The following BEND5 variants were observed in gnomAD, a reference collection of about 807,000 sequenced individuals.
The protein encoded by BEND5 is BEN domain containing 5, also known as BEN domain-containing protein 5.
Under a neutral mutation model 43.9 loss-of-function variants are expected in BEND5, and 22 were observed. The ratio of observed to expected loss-of-function variants is 0.50; its 90% confidence interval spans 0.36 to 0.72. The LOEUF is 0.72. Among genes scored for constraint, BEND5 ranks in the 30% least tolerant of loss-of-function variants. The probability of loss-of-function intolerance (pLI) is 0.00; values close to 1 mark genes in which losing one functional copy is unlikely to be tolerated. For synonymous variants in BEND5, 228 were observed against 225.9 expected (o/e 1.01, Z -0.08); for missense variants, 428 against 550.6 (o/e 0.78, Z 2.23).
chr1:48,744,213 C>T (rs1002684365), intron 3 of BEND5, among the ~76,000 whole-genome samples: 1 of 152,228 alleles, frequency 6.6e-6, no homozygotes, highest in Non-Finnish European at 1.5e-5. Context: ...AGGTCTTATT[C>T]TTTCCTTTGT....
intron 3 of BEND5, among the ~76,000 whole-genome samples, chr1:48,753,176 G>A (rs1440500029): frequency 1.3e-5 from 2 of 152,218 alleles, no homozygotes; most frequent in African/African-American, 4.8e-5. Flanking sequence ...GAAGAGCTGG[G>A]GTTGAAAACC....
At chr1:48,730,875 C>T (rs1648011149) in intron 5 of BEND5, among the ~76,000 whole-genome samples, 3 of 152,180 alleles carry the variant, frequency 2.0e-5, no homozygotes, top group Admixed American at 2.0e-4. Flanking sequence ...AGACACTCCA[C>T]AAAAGGTCAT....
chr1:48,763,879 A>C (rs1644400856), intron 1 of BEND5, among the ~76,000 whole-genome samples: 2 of 152,206 alleles, frequency 1.3e-5, no homozygotes, highest in Admixed American at 6.5e-5. Flanking sequence ...GGGCAGGATG[A>C]ACAGGGTCCC....
chr1:48,759,463 A>C lies in BEND5; in HGVS notation c.361-179T>G. On this transcript the variant is annotated intron_variant, in intron 2 of 5. Coordinates refer to ENST00000371833, the MANE Select transcript of BEND5 (RefSeq NM_024603.4). ...TTTATAAATGGGGAAACATTTTATA[A>C]ATTTTATAAATGGGGTTCCGAGTGG... is the stretch of plus-strand genomic sequence containing the variant. 2.5e-6 allele frequency: 3 copies of C among 1,211,158 alleles called. No individual in the cohort carries two copies. The South Asian group carries it at 5.0e-5, about 20-fold the overall frequency. The allele number at this position is 1,211,158 out of a possible 1,614,324, so 75.0% of individuals were successfully genotyped here. A position where few individuals can be genotyped will look rare whatever the true frequency, so the allele number is the denominator to read the frequency against.
intron 3 of BEND5, among the ~76,000 whole-genome samples, chr1:48,750,246 C>A (rs1651474917): frequency 6.6e-6 from 1 of 152,158 alleles, no homozygotes; most frequent in South Asian, 2.1e-4. Context: ...GGGAAGTGCC[C>A]CCATGAACCA....
chr1:48,739,576 T>C (rs1649594975), intron 4 of BEND5, among the ~76,000 whole-genome samples: 1 of 152,210 alleles, frequency 6.6e-6, no homozygotes, highest in South Asian at 2.1e-4. Flanking sequence ...GGTGTAAATC[T>C]CAGCTATTCT....
chr1:48,776,571 C>G, intron 1 of BEND5, 35 bp downstream of exon 1: 25 of 1,363,746 alleles, frequency 1.8e-5, no homozygotes, highest in Non-Finnish European at 2.4e-5. Flanking sequence ...AGCCCCCGCC[C>G]GGGTCCCACC....
At chr1:48,746,926 CA>C (rs1309624003) in intron 3 of BEND5, among the ~76,000 whole-genome samples, 16 of 152,138 alleles carry the variant, frequency 1.1e-4, no homozygotes, top group Admixed American at 4.6e-4. Context: ...AGAAAAGGAA[CA>C]AAAAAAGCAT....
At chr1:48,752,425 T>C (rs1651888846) in intron 3 of BEND5, among the ~76,000 whole-genome samples, 1 of 152,148 alleles carries the variant, frequency 6.6e-6, no homozygotes, top group Non-Finnish European at 1.5e-5. Context: ...GGCGTGGTAA[T>C]GGACAAATTC....
intron 3 of BEND5, among the ~76,000 whole-genome samples, chr1:48,752,559 G>A (rs1172944183): frequency 6.6e-6 from 1 of 152,174 alleles, no homozygotes; most frequent in Non-Finnish European, 1.5e-5. Context: ...ATCCAGGGTT[G>A]ACCAAAGATT....
chr1:48,757,908 C>T (rs1466217424), intron 3 of BEND5, among the ~76,000 whole-genome samples: 1 of 152,166 alleles, frequency 6.6e-6, no homozygotes, highest in Non-Finnish European at 1.5e-5. Context: ...AGGCAAAGAA[C>T]TTGTGTTATA....
intron 3 of BEND5, among the ~76,000 whole-genome samples, chr1:48,749,090 C>T (rs1872279): frequency 0.51 from 77,609 of 151,794 alleles, 24,402 homozygotes; most frequent in Non-Finnish European, 0.72. Context: ...AAAAGCAGGC[C>T]CAGGTCCCCA....
chr1:48,770,067 C>T (rs1644737148), intron 1 of BEND5, among the ~76,000 whole-genome samples: 1 of 152,154 alleles, frequency 6.6e-6, no homozygotes, highest in African/African-American at 2.4e-5. Flanking sequence ...ATGCTAGAAG[C>T]CCTTTCCATT....
chr1:48,754,650 T>G (rs1027993899), intron 3 of BEND5, among the ~76,000 whole-genome samples: 5 of 152,180 alleles, frequency 3.3e-5, no homozygotes, highest in Admixed American at 2.0e-4. Context: ...AGTTTACATA[T>G]GCAAATTACA....
intron 1 of BEND5, among the ~76,000 whole-genome samples, chr1:48,763,829 G>GCATC (rs1296408561): frequency 1.3e-5 from 2 of 152,208 alleles, no homozygotes; most frequent in Admixed American, 6.5e-5. Flanking sequence ...TGAAGTCTGT[G>GCATC]CATCCATCCA....
rs1046819341 is a variant in BEND5 at position 48,729,614 on chromosome 1, G to C, written c.1109-1571C>G. Reference sequence around the variant, plus strand: ...CTAACATATGAGAAGCCCAGGCCTGGAGAAAGGGAGTAGGTATGGGGCAGA... The same window carrying C: ...CTAACATATGAGAAGCCCAGGCCTGCAGAAAGGGAGTAGGTATGGGGCAGA... On this transcript the variant is annotated intron_variant, in intron 5 of 5. Transcript: ENST00000371833. Among the ~76,000 whole-genome samples the C allele has an allele frequency of 3.9e-5, 6 of 152,136 alleles. No individual in the cohort carries two copies. The South Asian group carries it at 1.3e-3, about 32-fold the overall frequency.
At position 48,776,873 on chromosome 1, in the gene BEND5, G is replaced by A; in HGVS notation, c.-42C>T. 2 of 1,381,924 alleles carry A rather than the reference G, an allele frequency of 1.4e-6. No individual in the cohort carries two copies. The highest frequency in any genetic ancestry group is 1.9e-6 in the Non-Finnish European group (2 of 1,040,764). 85.6% of individuals were successfully genotyped at this position (1,381,924 alleles called of 1,614,324 possible). On this transcript the variant is annotated 5_prime_UTR_variant, in exon 1 of 6. Transcript: ENST00000371833. ...GGGCCCCGGTCGGGCAGCTCAGCCC[G>A]CGGGGCGGGCGCGGAGGTGGGGATC...
In BEND5 at chr1:48,727,881, A is replaced by G; in HGVS notation, c.*5T>C. 1.3e-6 allele frequency: 2 copies of G among 1,594,142 alleles called. No homozygotes were observed. The highest frequency in any genetic ancestry group is 1.1e-5 in the South Asian group (1 of 89,264). ...AACACGAAAGCTTTATGAAAAATCC[A>G]AAGTTTATTGCAAATTGTATTTTGC... On this transcript the variant is annotated 3_prime_UTR_variant, in exon 6 of 6. Transcript: ENST00000371833.
At chr1:48,759,610 C>T (rs1644146630) in intron 2 of BEND5, among the ~76,000 whole-genome samples, 1 of 152,236 alleles carries the variant, frequency 6.6e-6, no homozygotes, top group Non-Finnish European at 1.5e-5. Context: ...TCCCCAGGCC[C>T]CAGCCCACCC....
Sources: allele counts gnomAD v4.1 joint callset (sites outside exome capture counted in the v4.1 genomes callset), GRCh38; gene constraint gnomAD v4.1.1; transcripts MANE v1.5; gene names NCBI Gene and HGNC (gene_info 2026-07-23, HGNC 2026-07-21).